MDGA2: variants seen among roughly 807,000 people sequenced by gnomAD.
MDGA2 encodes the protein MAM domain-containing glycosylphosphatidylinositol anchor protein 2.
Under a neutral mutation model 117.8 loss-of-function variants are expected in MDGA2, and 40 were observed. That is an observed-to-expected ratio of 0.34 (90% CI 0.26 to 0.44). The LOEUF (loss-of-function observed/expected upper bound fraction) is 0.44, where lower values mean the gene tolerates loss of function less well. Ranked by LOEUF, MDGA2 falls within the 20% of genes least tolerant of loss-of-function variation. The pLI, the probability that MDGA2 is intolerant of heterozygous loss-of-function variation, is 1.00. For synonymous variants in MDGA2, 452 were observed against 439.0 expected, an observed-to-expected ratio of 1.03 and a Z score of -0.37; for missense variants, 1,123 against 1,250.6, an observed-to-expected ratio of 0.90 and a Z score of 1.54.
chr14:46,955,396 A>G lies in MDGA2; in HGVS notation c.2089+1978T>C, dbSNP rs114605475. Among the ~76,000 whole-genome samples the G allele has an allele frequency of 8.0e-4, 121 of 152,196 alleles. 1 individual carries two copies. Among genetic ancestry groups the G allele is most frequent in the African/African-American group, 2.9e-3 (120 of 41,570 alleles). On this transcript the variant is annotated intron_variant, in intron 9 of 16. Transcript: ENST00000399232. The stretch of plus-strand genomic sequence containing the variant: ...CTCATAAAACTGCTATGACTTCACC[A>G]TTAAAATACGAGTAAATAAAATATA...
At chr14:46,944,904 C>A (rs1380377168) in intron 9 of MDGA2, among the ~76,000 whole-genome samples, 1 of 151,990 alleles carries the variant, frequency 6.6e-6, no homozygotes, top group Non-Finnish European at 1.5e-5. Flanking sequence ...TTCATAATAG[C>A]TACCTGAAGC....
intron 2 of MDGA2, among the ~76,000 whole-genome samples, chr14:47,292,527 A>T (rs1318145252): frequency 6.6e-6 from 1 of 152,072 alleles, no homozygotes; most frequent in African/African-American, 2.4e-5. Context: ...CTAGCTCAGG[A>T]TCTGTACCTT....
At chr14:47,109,226 C>T (rs1880903864) in intron 5 of MDGA2, among the ~76,000 whole-genome samples, 2 of 152,200 alleles carry the variant, frequency 1.3e-5, no homozygotes, top group East Asian at 1.9e-4. Context: ...AAGACACTTT[C>T]ACCACAAAAT....
chr14:46,840,018 C>A (rs1450754546), downstream of MDGA2: 1 of 152,116 alleles, frequency 6.6e-6, no homozygotes, highest in Non-Finnish European at 1.5e-5. Context: ...CCCATGGTAA[C>A]CAATAAATTG....
rs139804168 is a variant in MDGA2 at position 47,152,653 on chromosome 14, T to C, written c.596-8379A>G. On this transcript the variant is annotated intron_variant, in intron 3 of 16. Transcript: ENST00000399232. Reference sequence around the variant, plus strand: ...TTATGTAAATAACTCAGTTTACAAGTAGCCTACAGTTCATGAGTCAAAAAA... The same window carrying C: ...TTATGTAAATAACTCAGTTTACAAGCAGCCTACAGTTCATGAGTCAAAAAA... 4.1e-3 allele frequency among the ~76,000 whole-genome samples: 623 copies of C among 152,018 alleles called. 4 individuals carry two copies. The highest frequency in any genetic ancestry group is 0.014 in the African/African-American group (585 of 41,488).
At chr14:47,551,571 C>T (rs547271898) in intron 1 of MDGA2, among the ~76,000 whole-genome samples, 4 of 152,244 alleles carry the variant, frequency 2.6e-5, no homozygotes, top group Non-Finnish European at 5.9e-5. Flanking sequence ...CCAATTTGAT[C>T]TCTTATTAAT....
chr14:47,595,168 G>A (rs1411730846), intron 1 of MDGA2, among the ~76,000 whole-genome samples: 1 of 151,826 alleles, frequency 6.6e-6, no homozygotes, highest in Non-Finnish European at 1.5e-5. Context: ...ATTTGGACAT[G>A]GCAAGTGACT....
rs531578887 is a variant in MDGA2, at chr14:46,998,549, C to T, written c.1819+36462G>A. Among the ~76,000 whole-genome samples, 5 of 152,128 alleles carry T rather than the reference C, an allele frequency of 3.3e-5. No individual in the cohort carries two copies. In the South Asian group the frequency reaches 8.3e-4, roughly 25 times the overall value. Reference sequence around the variant, plus strand: ...GCATTTCTGAATCCAGTATGAGATCCAGAAGTTGAAAGCCAATAAGACTGA... The same window carrying T: ...GCATTTCTGAATCCAGTATGAGATCTAGAAGTTGAAAGCCAATAAGACTGA... On this transcript the variant is annotated intron_variant, in intron 8 of 16. Coordinates refer to ENST00000399232, the MANE Select transcript of MDGA2 (RefSeq NM_001113498.3).
intron 1 of MDGA2, among the ~76,000 whole-genome samples, chr14:47,673,702 C>T (rs541936176): frequency 4.0e-5 from 6 of 149,498 alleles, no homozygotes; most frequent in South Asian, 2.1e-4. Flanking sequence ...GTGCCAACTG[C>T]TGACAGGCAA....
chr14:47,101,297 T>C (rs748450980), intron 5 of MDGA2, among the ~76,000 whole-genome samples: 8 of 152,156 alleles, frequency 5.3e-5, no homozygotes, highest in Non-Finnish European at 1.2e-4. Context: ...AACTGCAACA[T>C]AGAAAGTATA....
chr14:47,404,403 C>T (rs992500734), intron 1 of MDGA2, among the ~76,000 whole-genome samples: 3 of 151,954 alleles, frequency 2.0e-5, no homozygotes, highest in African/African-American at 7.2e-5. Flanking sequence ...CCAGGCTGGT[C>T]TCGAACTTCT....
intron 7 of MDGA2, among the ~76,000 whole-genome samples, chr14:47,054,950 C>A (rs1197441474): frequency 6.6e-6 from 1 of 151,394 alleles, no homozygotes; most frequent in Non-Finnish European, 1.5e-5. Flanking sequence ...TCTTATCTAG[C>A]CACTATTCAT....
intron 5 of MDGA2, among the ~76,000 whole-genome samples, chr14:47,130,554 T>C (rs980348412): frequency 6.6e-6 from 1 of 152,230 alleles, no homozygotes; most frequent in Non-Finnish European, 1.5e-5. Flanking sequence ...AATGTCATAG[T>C]TGACTTTTTA....
chr14:46,988,584 G>A (rs1210465176), intron 8 of MDGA2, among the ~76,000 whole-genome samples: 1 of 152,000 alleles, frequency 6.6e-6, no homozygotes, highest in Non-Finnish European at 1.5e-5. Flanking sequence ...CTAATGAGTG[G>A]CAGAAGGACT....
intron 1 of MDGA2, among the ~76,000 whole-genome samples, chr14:47,325,124 T>A (rs1168742854): frequency 6.6e-6 from 1 of 152,022 alleles, no homozygotes; most frequent in Non-Finnish European, 1.5e-5. Context: ...AAGTGGGAAA[T>A]AGCATTGAAG....
intron 1 of MDGA2, among the ~76,000 whole-genome samples, chr14:47,333,462 T>C (rs1368150342): frequency 2.0e-5 from 3 of 151,954 alleles, no homozygotes; most frequent in African/African-American, 7.2e-5. Context: ...TAAAGATTAA[T>C]ATTTTATCCC....
At chr14:46,912,100 A>G (rs1434148142) in intron 10 of MDGA2, among the ~76,000 whole-genome samples, 2 of 152,134 alleles carry the variant, frequency 1.3e-5, no homozygotes, top group African/African-American at 2.4e-5. Context: ...TGCAATCTCC[A>G]TACAGATAGT....
chr14:46,883,887 T>G (rs1182319764), intron 10 of MDGA2, among the ~76,000 whole-genome samples: 1 of 152,124 alleles, frequency 6.6e-6, no homozygotes, highest in East Asian at 1.9e-4. Flanking sequence ...CAGTCCTCTT[T>G]CTATATGTAT....
At chr14:47,117,210 A>G (rs941259748) in intron 5 of MDGA2, among the ~76,000 whole-genome samples, 8 of 152,190 alleles carry the variant, frequency 5.3e-5, no homozygotes, top group Non-Finnish European at 1.5e-5. Flanking sequence ...ACAATAAGAT[A>G]CCAACTCACA....
Sources: gnomAD v4.1 joint callset for allele counts (sites outside exome capture counted in the v4.1 genomes callset) on GRCh38, gnomAD v4.1.1 for gene constraint, MANE v1.5 for transcripts, NCBI Gene and HGNC (gene_info 2026-07-23, HGNC 2026-07-21) for gene names.